The following EIF4G3 variants were observed in gnomAD, a reference collection of about 807,000 sequenced individuals.
The protein encoded by EIF4G3 is eIF-4-gamma 3.
In EIF4G3, 34 loss-of-function variants were observed where a neutral mutation model predicts 186.4. The ratio of observed to expected loss-of-function variants is 0.18; its 90% CI spans 0.14 to 0.24. The LOEUF (loss-of-function observed/expected upper bound fraction) is 0.24. Ranked by LOEUF, EIF4G3 falls within the 10% of genes least tolerant of loss-of-function variation. EIF4G3 has a pLI of 1.00. For missense variants in EIF4G3, 1,536 were observed against 1,948.5 expected (o/e 0.79, Z 3.99); for synonymous variants, 673 against 679.5 (o/e 0.99, Z 0.15).
intron 19 of EIF4G3, among the ~76,000 whole-genome samples, chr1:20,882,658 T>G (rs2082770158): frequency 2.0e-5 from 3 of 150,646 alleles, no homozygotes; most frequent in Non-Finnish European, 4.4e-5. Flanking sequence ...AATTAACAAA[T>G]TAGCCAGGTA....
At chr1:20,981,627 T>C (rs1241150111) in intron 8 of EIF4G3, among the ~76,000 whole-genome samples, 5 of 123,900 alleles carry the variant, frequency 4.0e-5, no homozygotes, top group African/African-American at 1.2e-4. Context: ...TATACATACA[T>C]GTATACGCAC....
At chr1:20,860,314 A>G (rs2076052202) in intron 24 of EIF4G3, 71 bp downstream of exon 24, 3 of 1,585,332 alleles carry the variant, frequency 1.9e-6, no homozygotes, top group Non-Finnish European at 2.6e-6. Context: ...TTTTATACCT[A>G]AATACATAAT....
intron 2 of EIF4G3, among the ~76,000 whole-genome samples, chr1:21,149,022 G>A (rs1293931603): frequency 2.0e-5 from 3 of 151,740 alleles, no homozygotes; most frequent in Non-Finnish European, 4.4e-5. Context: ...CTTGAGCCCA[G>A]GAGTTGGAGG....
At chr1:20,823,036 A>AT (rs199715183) in intron 33 of EIF4G3, among the ~76,000 whole-genome samples, 4,035 of 148,096 alleles carry the variant, frequency 0.027, 172 homozygotes, top group African/African-American at 0.091. Flanking sequence ...TTTTTTGTGT[A>AT]TTTTTTTTTT....
At position 21,046,310 on chromosome 1, in the gene EIF4G3, C is replaced by T. The variant is rs573393811; in HGVS notation, c.-67+4556G>A. Among the ~76,000 whole-genome samples, 12 of 152,226 alleles carry T rather than the reference C, an allele frequency of 7.9e-5. No homozygotes were observed. In the South Asian group the frequency reaches 2.3e-3, roughly 29 times the overall value. On this transcript the variant is annotated intron_variant, in intron 4 of 36. Coordinates refer to ENST00000602326, the MANE Select transcript of EIF4G3 (RefSeq NM_001391906.1). ...AATTAAACAAAATCTCCAGAGAGGA[C>T]GAAGCTAGAAAGAACTACAGCTCAT... is the stretch of plus-strand genomic sequence containing the variant.
At chr1:21,082,178 A>G (rs2100853747) in intron 3 of EIF4G3, among the ~76,000 whole-genome samples, 1 of 148,282 alleles carries the variant, frequency 6.7e-6, no homozygotes. Context: ...AAGCCTGCAT[A>G]CCAGATACAA....
At chr1:20,925,606 T>A (rs907009142) in intron 14 of EIF4G3, among the ~76,000 whole-genome samples, 66 of 152,312 alleles carry the variant, frequency 4.3e-4, no homozygotes, top group African/African-American at 1.6e-3. Flanking sequence ...CCATCATACC[T>A]CACTGCAGCC....
At chr1:21,104,457 G>T (rs1328657779) in intron 2 of EIF4G3, among the ~76,000 whole-genome samples, 4 of 152,070 alleles carry the variant, frequency 2.6e-5, no homozygotes, top group African/African-American at 7.2e-5. Flanking sequence ...TGGCCAACAA[G>T]CATATGAAAA....
chr1:21,110,714 G>C (rs965102618), intron 2 of EIF4G3, among the ~76,000 whole-genome samples: 2 of 145,772 alleles, frequency 1.4e-5, no homozygotes, highest in Admixed American at 7.2e-5. Context: ...TTACAGGTGT[G>C]AGGCACCACG....
chr1:21,112,413 A>G (rs960682256), intron 2 of EIF4G3, among the ~76,000 whole-genome samples: 27 of 152,226 alleles, frequency 1.8e-4, no homozygotes, highest in Admixed American at 1.4e-3. Flanking sequence ...TAAGCAAAAC[A>G]GTGAACTACA....
In EIF4G3 at chr1:21,176,763, T is replaced by C. The variant is rs2098120118; in HGVS notation, c.-497A>G. 3 of 699,426 alleles carry C rather than the reference T, an allele frequency of 4.3e-6. No homozygotes were observed. The highest frequency in any genetic ancestry group is 7.8e-6 in the Non-Finnish European group (3 of 383,692). 43.3% of individuals were successfully genotyped at this position (699,426 alleles called of 1,614,324 possible). ...CTCATGGGCCGGCGGCGGGGGATCT[T>C]TATCCCCCTCCCCGGAGGAAGCGGC... On this transcript the variant is annotated 5_prime_UTR_variant, in exon 1 of 37. It removes the in-frame stop codon of an upstream open reading frame in the 5' UTR. Coordinates refer to ENST00000602326, the MANE Select transcript of EIF4G3 (RefSeq NM_001391906.1).
Position 21,056,617 on chromosome 1 carries a change from A to T in EIF4G3, c.-195-5623T>A, listed in dbSNP as rs181769481. 4.6e-5 allele frequency among the ~76,000 whole-genome samples: 7 copies of T among 152,368 alleles called. No homozygotes were observed. In the East Asian group the frequency reaches 1.3e-3, roughly 29 times the overall value. On this transcript the variant is annotated intron_variant, in intron 3 of 36. Transcript: ENST00000602326. Reference sequence around the variant, plus strand: ...CCTCTTGCAAAATATTCCTAAATTAATGATTACTGAATCCTCTATTATCTA... The same window carrying T: ...CCTCTTGCAAAATATTCCTAAATTATTGATTACTGAATCCTCTATTATCTA...
intron 14 of EIF4G3, among the ~76,000 whole-genome samples, chr1:20,916,301 C>T (rs924811226): frequency 4.6e-5 from 7 of 151,776 alleles, no homozygotes; most frequent in African/African-American, 1.7e-4. Context: ...AAAAAATTAG[C>T]CCGGGCGTGG....
At chr1:20,892,607 T>C in intron 18 of EIF4G3, 2 of 1,494,666 alleles carry the variant, frequency 1.3e-6, no homozygotes, top group Non-Finnish European at 1.8e-6. Flanking sequence ...AAAAACAAAG[T>C]GTTCAGCGCA....
At chr1:21,065,393 C>A (rs2095184050) in intron 3 of EIF4G3, among the ~76,000 whole-genome samples, 1 of 115,192 alleles carries the variant, frequency 8.7e-6, no homozygotes, top group Admixed American at 1.0e-4. Flanking sequence ...GGGGTTGTTT[C>A]TACCAAAAAA....
intron 28 of EIF4G3, among the ~76,000 whole-genome samples, chr1:20,850,507 A>C (rs1202441403): frequency 6.6e-6 from 1 of 152,228 alleles, no homozygotes; most frequent in Non-Finnish European, 1.5e-5. Context: ...ATACTAAAAA[A>C]CTAAAACTGC....
intron 14 of EIF4G3, among the ~76,000 whole-genome samples, chr1:20,907,394 T>A (rs1251072248): frequency 2.0e-5 from 3 of 152,126 alleles, no homozygotes; most frequent in African/African-American, 7.2e-5. Flanking sequence ...TTTTTTTAAA[T>A]TTTATTATTA....
At chr1:21,000,083 C>T (rs1474469917) in intron 6 of EIF4G3, among the ~76,000 whole-genome samples, 1 of 150,932 alleles carries the variant, frequency 6.6e-6, no homozygotes, top group Non-Finnish European at 1.5e-5. Context: ...CTGTCTCCCT[C>T]TCCAAATTAA....
Position 20,807,374 on chromosome 1 carries a change from A to T in EIF4G3, c.4871T>A (p.Val1624Asp). Reference sequence around the variant, plus strand: ...CCGCAGCCACGTGAAGAATGCCGTGACAGATTTCAGAGCCACGCCCTTCCC... The same window carrying T: ...CCGCAGCCACGTGAAGAATGCCGTGTCAGATTTCAGAGCCACGCCCTTCCC... ...QNGKGVALKS[V>D]TAFFTWLREA... The change falls in exon 37 of 37, where the codon GTC becomes GAC. Residue 1624 changes from valine to aspartate, a missense_variant. This residue lies in a region of EIF4G3 where 45 missense variants were observed against 99.1 expected (regional missense o/e 0.45). Coordinates refer to ENST00000602326, the MANE Select transcript of EIF4G3 (RefSeq NM_001391906.1). 6.2e-7 allele frequency: 1 copy of T among 1,610,614 alleles called. No homozygotes were observed. The highest frequency in any genetic ancestry group is 8.5e-7 in the Non-Finnish European group (1 of 1,177,550).
Sources: allele counts gnomAD v4.1 joint callset (sites outside exome capture counted in the v4.1 genomes callset), GRCh38; gene constraint gnomAD v4.1.1; regional missense constraint gnomAD v4.1.1; transcripts MANE v1.5; gene names NCBI Gene and HGNC (gene_info 2026-07-23, HGNC 2026-07-21).